EYS: variants seen among roughly 807,000 people sequenced by gnomAD.
EYS encodes protein eyes shut homolog.
Under a neutral mutation model 282.1 loss-of-function variants are expected in EYS, and 250 were observed. The observed-to-expected ratio is 0.89, with a 90% CI of 0.80 to 0.98. The LOEUF (loss-of-function observed/expected upper bound fraction) is 0.98. Among genes scored for constraint, EYS ranks in the 50% least tolerant of loss-of-function variants. The probability of loss-of-function intolerance (pLI) is 0.00; values close to 1 mark genes in which losing one functional copy is unlikely to be tolerated. For synonymous variants in EYS, 1,355 were observed against 1,282.9 expected, an observed-to-expected ratio of 1.06 and a Z score of -1.20; for missense variants, 4,016 against 3,709.0, an observed-to-expected ratio of 1.08 and a Z score of -2.15.
chr6:64,179,411 C>T (rs1764728010), intron 31 of EYS, among the ~76,000 whole-genome samples: 3 of 152,016 alleles, frequency 2.0e-5, no homozygotes, highest in Admixed American at 6.6e-5. Flanking sequence ...AAGTAACTTT[C>T]AGAGTTTTTG....
chr6:65,576,178 A>G (rs1256246775), intron 2 of EYS, among the ~76,000 whole-genome samples: 1 of 152,072 alleles, frequency 6.6e-6, no homozygotes, highest in East Asian at 1.9e-4. Context: ...AAATTCCTCA[A>G]CAAAATAACA....
chr6:63,970,584 G>A (rs894792538), intron 35 of EYS, among the ~76,000 whole-genome samples: 3 of 150,794 alleles, frequency 2.0e-5, no homozygotes, highest in East Asian at 3.9e-4. Context: ...GCTGTAAGTC[G>A]AGATCACACC....
intron 22 of EYS, among the ~76,000 whole-genome samples, chr6:64,754,158 G>A (rs1772855146): frequency 1.3e-5 from 2 of 151,962 alleles, no homozygotes; most frequent in Non-Finnish European, 2.9e-5. Flanking sequence ...AAGATACAAA[G>A]TTCAAAAATT....
chr6:65,448,463 T>A (rs938327828), intron 5 of EYS, among the ~76,000 whole-genome samples: 1 of 152,212 alleles, frequency 6.6e-6, no homozygotes, highest in African/African-American at 2.4e-5. Context: ...ATTGCAGTTA[T>A]GAAATGTGCT....
chr6:64,457,475 C>G (rs1002280859), intron 26 of EYS, among the ~76,000 whole-genome samples: 1 of 151,968 alleles, frequency 6.6e-6, no homozygotes, highest in South Asian at 2.1e-4. Context: ...AAATTGCCTA[C>G]TATTATCATA....
At chr6:64,878,004 AG>A (rs376384311) in intron 19 of EYS, among the ~76,000 whole-genome samples, 170 of 152,298 alleles carry the variant, frequency 1.1e-3, no homozygotes, top group Middle Eastern at 0.01. Context: ...AGGCTGAGGC[AG>A]GCAGATGACT....
chr6:64,526,223 G>A (rs1238076101), intron 26 of EYS, among the ~76,000 whole-genome samples: 3 of 151,688 alleles, frequency 2.0e-5, no homozygotes, highest in African/African-American at 4.8e-5. Flanking sequence ...GACTATGAAA[G>A]GTCAACAGGA....
At chr6:64,882,157 C>T (rs1203663978) in intron 19 of EYS, among the ~76,000 whole-genome samples, 1 of 151,680 alleles carries the variant, frequency 6.6e-6, no homozygotes, top group African/African-American at 2.4e-5. Context: ...GTACACAGTA[C>T]CCAAATACCA....
At chr6:65,320,878 T>C (rs1769456232) in intron 11 of EYS, among the ~76,000 whole-genome samples, 1 of 152,176 alleles carries the variant, frequency 6.6e-6, no homozygotes, top group Non-Finnish European at 1.5e-5. Context: ...GAGGGCCATG[T>C]TCACCCTAAG....
At chr6:64,963,320 C>T (rs1362798798) in intron 14 of EYS, among the ~76,000 whole-genome samples, 2 of 152,142 alleles carry the variant, frequency 1.3e-5, no homozygotes. Context: ...TACAGCCATT[C>T]TTAGTTACTT....
chr6:64,798,776 C>T (rs1774443871), intron 22 of EYS, among the ~76,000 whole-genome samples: 1 of 151,728 alleles, frequency 6.6e-6, no homozygotes, highest in Non-Finnish European at 1.5e-5. Flanking sequence ...CATAAATGCT[C>T]AGGATATTTT....
At chr6:63,948,058 A>G (rs1765451289) in intron 35 of EYS, among the ~76,000 whole-genome samples, 1 of 152,238 alleles carries the variant, frequency 6.6e-6, no homozygotes, top group Non-Finnish European at 1.5e-5. Context: ...ATAGTGAACT[A>G]AATGATGCAA....
At chr6:64,107,987 T>TA (rs1773088960) in intron 31 of EYS, among the ~76,000 whole-genome samples, 1 of 152,122 alleles carries the variant, frequency 6.6e-6, no homozygotes, top group Non-Finnish European at 1.5e-5. Context: ...TAGGCTCTGA[T>TA]AAAATCCCAG....
At chr6:64,348,427 TCC>T (rs1491366296) in intron 29 of EYS, among the ~76,000 whole-genome samples, 150,637 of 151,296 alleles carry the variant, frequency 1, 74,992 homozygotes, top group Middle Eastern at 1. Context: ...CTTTTCTTTC[TCC>T]CATGGAAGCC....
intron 11 of EYS, among the ~76,000 whole-genome samples, chr6:65,322,324 G>A (rs998405578): frequency 8.5e-5 from 13 of 152,260 alleles, no homozygotes; most frequent in Admixed American, 6.5e-4. Flanking sequence ...GATTAATAGC[G>A]TCATTTTGGA....
chr6:65,544,250 T>C (rs1169466151), intron 2 of EYS, among the ~76,000 whole-genome samples: 1 of 152,206 alleles, frequency 6.6e-6, no homozygotes, highest in Non-Finnish European at 1.5e-5. Context: ...AAGTTCTTAT[T>C]GAAAAACAGT....
chr6:64,311,091 C>T (rs186717504), intron 29 of EYS, among the ~76,000 whole-genome samples: 71 of 151,850 alleles, frequency 4.7e-4, no homozygotes, highest in African/African-American at 1.6e-3. Context: ...CATATATTAA[C>T]ATTTCATTTT....
At chr6:64,516,815 G>C (rs1777574411) in intron 26 of EYS, among the ~76,000 whole-genome samples, 1 of 151,504 alleles carries the variant, frequency 6.6e-6, no homozygotes, top group African/African-American at 2.4e-5. Flanking sequence ...ATTTTACTTT[G>C]ATATCAGATC....
chr6:65,260,825 A>G (rs1056230807), intron 12 of EYS, among the ~76,000 whole-genome samples: 2 of 152,142 alleles, frequency 1.3e-5, no homozygotes, highest in Non-Finnish European at 2.9e-5. Flanking sequence ...AAACTGAAAC[A>G]TGGCTTGTAG....
Sources: allele counts gnomAD v4.1 joint callset (sites outside exome capture counted in the v4.1 genomes callset), GRCh38; gene constraint gnomAD v4.1.1; transcripts MANE v1.5; gene names NCBI Gene and HGNC (gene_info 2026-07-23, HGNC 2026-07-21).